MBOAT4: variants seen among roughly 807,000 people sequenced by gnomAD.
MBOAT4 encodes the protein membrane bound ghrelin O-acyltransferase MBOAT4.
MBOAT4 carries 11 observed loss-of-function variants against 13.2 expected under a neutral mutation model. The observed-to-expected ratio is 0.84, with a 90% CI of 0.53 to 1.38. The LOEUF (loss-of-function observed/expected upper bound fraction) is 1.38. Among genes scored for constraint, MBOAT4 ranks in the 40% most tolerant of loss-of-function variants. The pLI, the probability that MBOAT4 is intolerant of heterozygous loss-of-function variation, is 0.00. For missense variants in MBOAT4, 481 were observed against 527.2 expected (o/e 0.91, Z 0.86); for synonymous variants, 202 against 210.3 (o/e 0.96, Z 0.34).
chr8:30,131,881 G>A lies in MBOAT4; in HGVS notation c.*62C>T. ...AAGTTCAAATGTATGCATTATCGAT[G>A]CGTCATCTGGCACTTTCTAAAATGT... On this transcript the variant is annotated 3_prime_UTR_variant, in exon 3 of 3. Transcript: ENST00000320542. The A allele has an allele frequency of 6.8e-7, 1 of 1,477,934 alleles. No homozygotes were observed. The highest frequency in any genetic ancestry group is 9.0e-7 in the Non-Finnish European group (1 of 1,112,386). 91.6% of individuals were successfully genotyped at this position (1,477,934 alleles called of 1,614,324 possible).
Position 30,138,648 on chromosome 8 carries a change from G to A in MBOAT4, c.228C>T (p.Ser76=). 1 of 1,551,418 alleles carries A rather than the reference G, an allele frequency of 6.4e-7. No homozygotes were observed. Among genetic ancestry groups the A allele is most frequent in the Non-Finnish European group, 8.7e-7 (1 of 1,146,872 alleles). The change falls in exon 2 of 3, where the codon TCC becomes TCT. Residue 76 remains serine (S), a synonymous_variant. Coordinates refer to ENST00000320542, the MANE Select transcript of MBOAT4 (RefSeq NM_001100916.2). ...PAVCAVALLC[S]LAPQQVHRWT... ...ACCTGTGGACTTGCTGAGGAGCCAG[G>A]GAACAGAGGAGAGCCACAGCGCAGA...
chr8:30,134,489 C>T (rs373791823), intron 2 of MBOAT4, among the ~76,000 whole-genome samples: 5 of 151,940 alleles, frequency 3.3e-5, no homozygotes, highest in South Asian at 2.1e-4. Flanking sequence ...AAAACACATA[C>T]GATGGCACAC....
chr8:30,138,728 C>T lies in MBOAT4; in HGVS notation c.148G>A (p.Ala50Thr), dbSNP rs1335261537. The change falls in exon 2 of 3, where the codon GCC (alanine) becomes ACC (threonine). Residue 50 changes from alanine to threonine, a missense_variant. Coordinates refer to ENST00000320542, the MANE Select transcript of MBOAT4 (RefSeq NM_001100916.2). ...GAACCCATGGCAGCCACGGCCAGGG[C>T]ACCTCCTCCAGTCAGGAGAAAGAGG... The part of the protein sequence containing the change: ...RYLFLLTGGG[A>T]LAVAAMGSYA... The T allele has an allele frequency of 3.9e-6, 6 of 1,549,896 alleles. No individual in the cohort carries two copies. Among genetic ancestry groups the T allele is most frequent in the Non-Finnish European group, 5.2e-6 (6 of 1,146,934 alleles).
chr8:30,135,036 C>T (rs1033892759), intron 2 of MBOAT4, among the ~76,000 whole-genome samples: 8 of 146,014 alleles, frequency 5.5e-5, no homozygotes, highest in African/African-American at 7.6e-5. Context: ...TGCGCTACCA[C>T]GCCTAGTTAA....
chr8:30,137,000 T>C (rs1035939381), intron 2 of MBOAT4, among the ~76,000 whole-genome samples: 5 of 151,692 alleles, frequency 3.3e-5, no homozygotes, highest in African/African-American at 9.7e-5. Flanking sequence ...AAATAGTCTT[T>C]ACAGGAAAAT....
At position 30,138,596 on chromosome 8, in the gene MBOAT4, G is replaced by T; in HGVS notation, c.280C>A (p.Gln94Lys). ...TGCAGACCTAGGTGACACAAGGTCT[G>T]CCAGCTCATCTGAAAGCAGAAGGTC... Reference protein sequence around the residue: ...RWTFCFQMSWQTLCHLGLHYT... With the variant: ...RWTFCFQMSWKTLCHLGLHYT... Residue 94 changes from glutamine to lysine, a missense_variant, in exon 2 of 3, where the codon CAG becomes AAG. Gln to Lys is a moderately conservative substitution (Grantham distance 53). Coordinates refer to ENST00000320542, the MANE Select transcript of MBOAT4 (RefSeq NM_001100916.2). The T allele has an allele frequency of 1.9e-6, 3 of 1,551,664 alleles. No individual in the cohort carries two copies. The highest frequency in any genetic ancestry group is 2.6e-6 in the Non-Finnish European group (3 of 1,146,994).
rs186658057 is a variant in MBOAT4 at position 30,132,980 on chromosome 8, C to A, written c.345-74G>T. The A allele has an allele frequency of 3.5e-6, 5 of 1,413,530 alleles. No individual in the cohort carries two copies. The Admixed American group carries it at 8.4e-5, about 24-fold the overall frequency. 87.6% of individuals were successfully genotyped at this position (1,413,530 alleles called of 1,614,324 possible). On this transcript the variant is annotated intron_variant, in intron 2 of 2. Transcript: ENST00000320542. ...CTCTCTCTTATTCCAGTCTGTCATA[C>A]ATGATCTCGCAGGAAATAGATAGGT...
chr8:30,137,579 A>G, intron 2 of MBOAT4: 1 of 1,096,370 alleles, frequency 9.1e-7, no homozygotes. Flanking sequence ...AATCACATTT[A>G]TATTCATTCT....
chr8:30,134,163 G>A lies in MBOAT4; in HGVS notation c.345-1257C>T, dbSNP rs553944192. On this transcript the variant is annotated intron_variant, in intron 2 of 2. Coordinates refer to ENST00000320542, the MANE Select transcript of MBOAT4 (RefSeq NM_001100916.2). ...TTACCAGCTGGGTGTGGTGGCTCAC[G>A]CCTGTAATCCCAGCACTTTGGGAGG... is the stretch of plus-strand genomic sequence containing the variant. Among the ~76,000 whole-genome samples the A allele has an allele frequency of 1.2e-4, 18 of 152,148 alleles. No homozygotes were observed. The South Asian group carries it at 3.1e-3, about 26-fold the overall frequency.
At chr8:30,138,439 G>A (rs1343340408) in intron 2 of MBOAT4, 93 bp downstream of exon 2, 3 of 944,890 alleles carry the variant, frequency 3.2e-6, no homozygotes, top group Non-Finnish European at 4.8e-6. Context: ...GAAAAATTAG[G>A]ACTCCAACCC....
intron 2 of MBOAT4, chr8:30,137,407 G>C: frequency 6.4e-7 from 1 of 1,551,636 alleles, no homozygotes; most frequent in Non-Finnish European, 8.7e-7. Context: ...CACTCAACCC[G>C]TGCTGAGGCT....
In MBOAT4 at chr8:30,132,859, G is replaced by A. The variant is rs780304488; in HGVS notation, c.392C>T (p.Thr131Met). 8.4e-6 allele frequency: 13 copies of A among 1,549,408 alleles called. No individual in the cohort carries two copies. Among genetic ancestry groups the A allele is most frequent in the African/African-American group, 4.1e-5 (3 of 72,910 alleles). Residue 131 changes from threonine to methionine, a missense_variant, in exon 3 of 3, where the codon ACG (threonine) becomes ATG (methionine). Transcript: ENST00000320542. ...SSLMLLTQRV[T>M]SLSLDICEGK... Reference sequence around the variant, plus strand: ...CTCACAAATGTCCAGAGAGAGGGACGTGACCCTCTGGGTCAAGAGCATGAG... The same window carrying A: ...CTCACAAATGTCCAGAGAGAGGGACATGACCCTCTGGGTCAAGAGCATGAG...
chr8:30,137,457 G>A (rs1803174236), intron 2 of MBOAT4: 2 of 1,551,626 alleles, frequency 1.3e-6, no homozygotes. Context: ...GGCCTGCTCT[G>A]TGGGCTCTAG....
At chr8:30,141,862 A>C (rs924583069) in intron 1 of MBOAT4, among the ~76,000 whole-genome samples, 4 of 152,106 alleles carry the variant, frequency 2.6e-5, no homozygotes, top group South Asian at 4.1e-4. Context: ...GGAGAGCGTT[A>C]AGTGTCTCAG....
At position 30,144,518 on chromosome 8, in the gene MBOAT4, A is replaced by G; in HGVS notation, c.84T>C (p.Tyr28=). Residue 28 remains tyrosine, a synonymous_variant, in exon 1 of 3, where the codon TAT becomes TAC. Transcript: ENST00000320542. ...TGGAGAATGAATCCATGATGCAGAGATAATTGAAGAGAAGTGCAAAGGGAA... is the reference window on the plus strand; with the variant it reads ...TGGAGAATGAATCCATGATGCAGAGGTAATTGAAGAGAAGTGCAAAGGGAA... ...AAFPFALLFN[Y]LCIMDSFSTR... is the part of the protein sequence containing the mutation. The G allele has an allele frequency of 6.4e-7, 1 of 1,551,514 alleles. No individual in the cohort carries two copies. Among genetic ancestry groups the G allele is most frequent in the Non-Finnish European group, 8.7e-7 (1 of 1,146,822 alleles).
chr8:30,144,573 T>G lies in MBOAT4; in HGVS notation c.29A>C (p.His10Pro). The change falls in exon 1 of 3, where the codon CAT (histidine) becomes CCT (proline). Residue 10 changes from histidine (H) to proline (P), a missense_variant. His to Pro is a moderately conservative substitution (Grantham distance 77). Coordinates refer to ENST00000320542, the MANE Select transcript of MBOAT4 (RefSeq NM_001100916.2). MEWLWLFFL[H>P]PISFYQGAAF... ...AGCCCCCTGGTAAAACGATATAGGA[T>G]GGAGAAAGAACAGCCAAAGCCACTC... 12 of 1,551,406 alleles carry G rather than the reference T, an allele frequency of 7.7e-6. No homozygotes were observed. The highest frequency in any genetic ancestry group is 1.0e-5 in the Non-Finnish European group (12 of 1,146,878).
intron 1 of MBOAT4, 81 bp downstream of exon 1, chr8:30,144,402 C>G: frequency 9.5e-7 from 1 of 1,047,908 alleles, no homozygotes; most frequent in Non-Finnish European, 1.4e-6. Context: ...TCCCAAATTG[C>G]AGGGATTACG....
chr8:30,138,094 A>C (rs1732357095), intron 2 of MBOAT4: 1 of 171,056 alleles, frequency 5.8e-6, no homozygotes, highest in African/African-American at 2.4e-5. Flanking sequence ...ACCAAGCGGC[A>C]CTGTCAACTC....
chr8:30,134,968 C>T (rs967392346), intron 2 of MBOAT4, among the ~76,000 whole-genome samples: 16 of 152,322 alleles, frequency 1.1e-4, no homozygotes, highest in African/African-American at 3.6e-4. Context: ...CAACCTCTGC[C>T]TCCCAGACTC....
Sources: allele counts gnomAD v4.1 joint callset (sites outside exome capture counted in the v4.1 genomes callset), GRCh38; gene constraint gnomAD v4.1.1; transcripts MANE v1.5; gene names NCBI Gene and HGNC (gene_info 2026-07-23, HGNC 2026-07-21).